ITGAX: variants seen among roughly 807,000 people sequenced by gnomAD.
The protein encoded by ITGAX is integrin alpha-X.
A neutral mutation model predicts 140.2 loss-of-function variants in ITGAX; 99 were observed. That is an observed-to-expected ratio of 0.71 (90% CI 0.60 to 0.83). The LOEUF is 0.83. Among genes scored for constraint, ITGAX ranks in the 40% least tolerant of loss-of-function variants. ITGAX has a pLI of 0.00. For synonymous variants in ITGAX, 631 were observed against 600.4 expected, an observed-to-expected ratio of 1.05 and a Z score of -0.75; for missense variants, 1,444 against 1,482.0, an observed-to-expected ratio of 0.97 and a Z score of 0.42.
Position 31,376,983 on chromosome 16 carries a change from C to G in ITGAX, c.2626-17C>G, listed in dbSNP as rs1427942140. 2 of 1,614,024 alleles carry G rather than the reference C, an allele frequency of 1.2e-6. No homozygotes were observed. The highest frequency in any genetic ancestry group is 2.2e-5 in the South Asian group (2 of 91,074). On this transcript the variant is annotated splice_polypyrimidine_tract_variant and intron_variant, in intron 21 of 29. Transcript: ENST00000268296. ...CTGTCTTTACTGCTCTGTGACCTCT[C>G]AGTTCCTTTTCCTCAGATCACCTTC...
rs749391563 is a variant in ITGAX at position 31,366,134 on chromosome 16, C to T, written c.1710+2760C>T. ...TTTTTTACACGCTGAAGGTATGCAG[C>T]GACCCTGCACTGAGCAAGTCTATCA... On this transcript the variant is annotated intron_variant, in intron 14 of 29. Transcript: ENST00000268296. Among the ~76,000 whole-genome samples the T allele has an allele frequency of 5.9e-5, 9 of 152,334 alleles. No homozygotes were observed. The East Asian group carries it at 7.7e-4, about 13-fold the overall frequency.
Position 31,380,020 on chromosome 16 carries a change from C to A in ITGAX, c.3015C>A (p.Pro1005=). The change falls in exon 26 of 30, where the codon CCC becomes CCA. Residue 1005 remains proline (P), a synonymous_variant. Transcript: ENST00000268296. Reference sequence around the variant, plus strand: ...GGTGCTCCTCAGAGAAAATCGCACCCCCAGCATCTGACTTCCTGGCGCACA... The same window carrying A: ...GGTGCTCCTCAGAGAAAATCGCACCACCAGCATCTGACTTCCTGGCGCACA... The part of the protein sequence containing the change: ...SLRCSSEKIA[P]PASDFLAHIQ... The A allele has an allele frequency of 6.2e-7, 1 of 1,614,206 alleles. No individual in the cohort carries two copies. The highest frequency in any genetic ancestry group is 8.5e-7 in the Non-Finnish European group (1 of 1,180,032).
At chr16:31,376,445 G>T (rs1402747323) in intron 20 of ITGAX, among the ~76,000 whole-genome samples, 2 of 151,960 alleles carry the variant, frequency 1.3e-5, no homozygotes, top group Admixed American at 6.6e-5. Flanking sequence ...ATATAGCGAG[G>T]TCCCATTTAT....
chr16:31,375,699 G>A (rs1296973522), intron 20 of ITGAX, among the ~76,000 whole-genome samples: 2 of 152,206 alleles, frequency 1.3e-5, no homozygotes, highest in African/African-American at 4.8e-5. Flanking sequence ...GTCCATACAT[G>A]ATGGTTGGTT....
In ITGAX at chr16:31,363,315, G is replaced by T. The variant is rs1418770711; in HGVS notation, c.1651G>T (p.Gly551Cys). The T allele has an allele frequency of 1.9e-5, 30 of 1,613,918 alleles. No homozygotes were observed. The highest frequency in any genetic ancestry group is 2.5e-5 in the Non-Finnish European group (30 of 1,179,964). Residue 551 changes from glycine (G) to cysteine (C), a missense_variant, in exon 14 of 30, where the codon GGT (glycine) becomes TGT (cysteine). Coordinates refer to ENST00000268296, the MANE Select transcript of ITGAX (RefSeq NM_000887.5). The part of the protein sequence containing the change: ...IGAPGEEENR[G>C]AVYLFHGVLG... ...GGCCCCAGGAGAGGAGGAGAACCGG[G>T]GTGCTGTCTACCTGTTTCACGGAGT...
chr16:31,376,747 T>C lies in ITGAX; in HGVS notation c.2509-52T>C, dbSNP rs190665654. ...GTTGGTGCAAAAGTAATTGGGTTTT[T>C]GCCATTGCTTTCAATTTCAACTAAT... is the stretch of plus-strand genomic sequence containing the variant. On this transcript the variant is annotated intron_variant, in intron 20 of 29. Transcript: ENST00000268296. The C allele has an allele frequency of 6.1e-3, 9,427 of 1,552,956 alleles. 54 individuals carry two copies. The highest frequency in any genetic ancestry group is 5.8e-3 in the Non-Finnish European group (6,529 of 1,125,382).
intron 1 of ITGAX, among the ~76,000 whole-genome samples, chr16:31,355,608 G>C (rs532887072): frequency 6.6e-6 from 1 of 152,280 alleles, no homozygotes; most frequent in African/African-American, 2.4e-5. Flanking sequence ...AAGTTTTCCT[G>C]GACTCACTCT....
At chr16:31,361,654 A>T (rs997646855) in intron 9 of ITGAX, 182 bp from the exon 10 acceptor site, 6 of 760,654 alleles carry the variant, frequency 7.9e-6, no homozygotes, top group Admixed American at 4.2e-5. Context: ...CGCTGTCCAC[A>T]TCCATGGAGC....
chr16:31,360,097 A>C, intron 7 of ITGAX, 32 bp downstream of exon 7: 1 of 1,605,256 alleles, frequency 6.2e-7, no homozygotes, highest in Non-Finnish European at 8.5e-7. Flanking sequence ...GCACAGTCCC[A>C]AAGCACCCAG....
rs138213183 is a variant in ITGAX at position 31,373,354 on chromosome 16, C to T, written c.2472C>T (p.Pro824=). 32 of 1,613,340 alleles carry T rather than the reference C, an allele frequency of 2.0e-5. No homozygotes were observed. The highest frequency in any genetic ancestry group is 4.0e-5 in the African/African-American group (3 of 74,910). ...SYGTTITFSH[P]AGLSYRYVAE... ...GAACCACCATCACCTTCTCCCACCC[C>T]GCAGGACTGTCCTACCGCTACGTGG... The change falls in exon 20 of 30, where the codon CCC becomes CCT. Residue 824 remains proline (P), a synonymous_variant. Coordinates refer to ENST00000268296, the MANE Select transcript of ITGAX (RefSeq NM_000887.5).
At chr16:31,366,716 A>G (rs937699323) in intron 14 of ITGAX, among the ~76,000 whole-genome samples, 1 of 152,164 alleles carries the variant, frequency 6.6e-6, no homozygotes, top group Admixed American at 6.5e-5. Flanking sequence ...GGGTTTCACC[A>G]TGTTGGCCAG....
Position 31,362,644 on chromosome 16 carries a change from T to G in ITGAX, c.1250T>G (p.Val417Gly), listed in dbSNP as rs1597067657. The change falls in exon 12 of 30, where the codon GTG becomes GGG. Residue 417 changes from valine to glycine, a missense_variant. By Grantham distance (109) the Val-to-Gly change is moderately radical. Transcript: ENST00000268296. ...YSTELALWKGVQSLVLGAPRY... is the reference protein window; with the variant it reads ...YSTELALWKGGQSLVLGAPRY... The stretch of plus-strand genomic sequence containing the variant: ...ACCGAGCTGGCCCTCTGGAAAGGGG[T>G]GCAGAGCCTGGTCCTGGGGGCCCCC... The G allele has an allele frequency of 6.2e-7, 1 of 1,612,420 alleles. No homozygotes were observed. The highest frequency in any genetic ancestry group is 1.1e-5 in the South Asian group (1 of 90,966).
rs1048477182 is a variant in ITGAX at position 31,377,323 on chromosome 16, A to AG, written c.2789+58_2789+59insG. On this transcript the variant is annotated intron_variant, in intron 23 of 29. Coordinates refer to ENST00000268296, the MANE Select transcript of ITGAX (RefSeq NM_000887.5). The stretch of plus-strand genomic sequence containing the variant: ...TCTTCTCTCTGACCTCAAAAAGAAA[A>AG]AAAAAAAAAGGCCTTGAAACGCTGC... 56 of 1,416,490 alleles carry AG rather than the reference A, an allele frequency of 4.0e-5. 1 individual carries two copies. In the African/African-American group the frequency reaches 6.1e-4, roughly 16 times the overall value. 87.7% of individuals were successfully genotyped at this position (1,416,490 alleles called of 1,614,324 possible). A position where few individuals can be genotyped will look rare whatever the true frequency, so the allele number is the denominator to read the frequency against.
chr16:31,359,217 G>A (rs966047188), intron 5 of ITGAX, among the ~76,000 whole-genome samples: 1 of 152,040 alleles, frequency 6.6e-6, no homozygotes, highest in African/African-American at 2.4e-5. Context: ...TTGCCAGGTT[G>A]GAGTGCTGTG....
chr16:31,372,509 C>T lies in ITGAX; in HGVS notation c.2292C>T (p.Ser764=), dbSNP rs1460191934. 9.9e-6 allele frequency: 16 copies of T among 1,610,106 alleles called. No homozygotes were observed. Among genetic ancestry groups the T allele is most frequent in the South Asian group, 2.2e-5 (2 of 90,870 alleles). Residue 764 remains serine (S), a splice_region_variant and synonymous_variant, in exon 18 of 30, where the codon TCC becomes TCT. Transcript: ENST00000268296. ...ATGCTCAGAGATACTTCACGGCCTC[C>T]GTGAGTCCTGGCACTGGGTCTCCCA... The part of the protein sequence containing the change: ...AADAQRYFTA[S]LPFEKNCGAD...
Position 31,382,097 on chromosome 16 carries a change from C to G in ITGAX, c.*190C>G. On this transcript the variant is annotated 3_prime_UTR_variant, in exon 30 of 30. Coordinates refer to ENST00000268296, the MANE Select transcript of ITGAX (RefSeq NM_000887.5). Reference sequence around the variant, plus strand: ...TCTTGTCAAGGTTCCAACTGGAAACCCTTAGGACAGGGTCCCTGCTGTGTT... The same window carrying G: ...TCTTGTCAAGGTTCCAACTGGAAACGCTTAGGACAGGGTCCCTGCTGTGTT... 7.0e-7 allele frequency: 1 copy of G among 1,433,268 alleles called. No homozygotes were observed. The highest frequency in any genetic ancestry group is 9.1e-7 in the Non-Finnish European group (1 of 1,099,796). 88.8% of individuals were successfully genotyped at this position (1,433,268 alleles called of 1,614,324 possible). A position where few individuals can be genotyped will look rare whatever the true frequency, so the allele number is the denominator to read the frequency against.
At chr16:31,371,544 C>T (rs2080960522) in intron 16 of ITGAX, 47 bp downstream of exon 16, 2 of 1,610,204 alleles carry the variant, frequency 1.2e-6, no homozygotes, top group South Asian at 1.1e-5. Context: ...CTCTGGAGTC[C>T]CCCATCCCAG....
chr16:31,359,568 C>G, intron 5 of ITGAX, 132 bp from the exon 6 acceptor site: 1 of 1,016,084 alleles, frequency 9.8e-7, no homozygotes, highest in South Asian at 1.6e-5. Context: ...GGGTGTGGAG[C>G]CTGACTCCCA....
At chr16:31,371,887 G>A (rs1370802976) in intron 17 of ITGAX, 103 bp downstream of exon 17, 1 of 1,377,506 alleles carries the variant, frequency 7.3e-7, no homozygotes, top group Non-Finnish European at 9.9e-7. Context: ...GCTCAGCCCA[G>A]CACAGGACCA....
Sources: gnomAD v4.1 joint callset for allele counts (sites outside exome capture counted in the v4.1 genomes callset) on GRCh38, gnomAD v4.1.1 for gene constraint, MANE v1.5 for transcripts, NCBI Gene and HGNC (gene_info 2026-07-23, HGNC 2026-07-21) for gene names.